The following TMEM132E variants were observed in gnomAD, a reference collection of about 807,000 sequenced individuals.
The protein encoded by TMEM132E is transmembrane protein 132E.
TMEM132E carries 49 observed loss-of-function variants against 78.5 expected under a neutral mutation model. The ratio of observed to expected loss-of-function variants is 0.62; its 90% confidence interval spans 0.50 to 0.79. TMEM132E has a LOEUF of 0.79. Among genes scored for constraint, TMEM132E ranks in the 30% least tolerant of loss-of-function variants. The probability of loss-of-function intolerance (pLI) is 0.00; values close to 1 mark genes in which losing one functional copy is unlikely to be tolerated. For synonymous variants in TMEM132E, 715 were observed against 670.6 expected, an observed-to-expected ratio of 1.07 and a Z score of -1.02; for missense variants, 1,403 against 1,470.9, an observed-to-expected ratio of 0.95 and a Z score of 0.75.
chr17:34,585,262 T>C (rs1360445337), intron 1 of TMEM132E, among the ~76,000 whole-genome samples: 1 of 152,224 alleles, frequency 6.6e-6, no homozygotes, highest in Admixed American at 6.5e-5. Context: ...ATAAGGCCAC[T>C]GTGGAATACC....
At chr17:34,586,903 T>A (rs1024973125) in intron 1 of TMEM132E, among the ~76,000 whole-genome samples, 4 of 152,230 alleles carry the variant, frequency 2.6e-5, no homozygotes, top group African/African-American at 9.6e-5. Context: ...TTCTGCTTTT[T>A]ATCAAACTGT....
chr17:34,596,599 C>T (rs1567712332), intron 1 of TMEM132E, among the ~76,000 whole-genome samples: 1 of 152,102 alleles, frequency 6.6e-6, no homozygotes. Context: ...AGTTGCTTTT[C>T]TCCTCATGTG....
intron 1 of TMEM132E, among the ~76,000 whole-genome samples, chr17:34,615,081 G>A (rs1156514307): frequency 2.0e-5 from 3 of 150,070 alleles, no homozygotes; most frequent in Non-Finnish European, 4.5e-5. Context: ...AAGAGCCCTG[G>A]TTTTCAGTAA....
At chr17:34,604,933 T>G (rs766389529) in intron 1 of TMEM132E, among the ~76,000 whole-genome samples, 1 of 152,172 alleles carries the variant, frequency 6.6e-6, no homozygotes, top group Admixed American at 6.5e-5. Context: ...TAAACAACTT[T>G]CTCAAGGTCA....
intron 1 of TMEM132E, among the ~76,000 whole-genome samples, chr17:34,607,952 G>A (rs1366994167): frequency 6.6e-6 from 1 of 152,088 alleles, no homozygotes; most frequent in African/African-American, 2.4e-5. Context: ...GTTTAGGTAG[G>A]TTTTCAATAA....
At chr17:34,634,691 G>A in intron 6 of TMEM132E, 108 bp from the exon 7 acceptor site, 1 of 1,361,346 alleles carries the variant, frequency 7.3e-7, no homozygotes, top group East Asian at 2.5e-5. Flanking sequence ...TGCTTTTGCA[G>A]AGCTTCTGGG....
intron 5 of TMEM132E, among the ~76,000 whole-genome samples, chr17:34,631,385 C>A (rs1322065919): frequency 6.6e-6 from 1 of 152,184 alleles, no homozygotes; most frequent in Admixed American, 6.5e-5. Context: ...AAGAAACAGG[C>A]CTGCTCCCAA....
intron 2 of TMEM132E, 66 bp from the exon 3 acceptor site, chr17:34,628,497 G>T: frequency 6.3e-7 from 1 of 1,593,236 alleles, no homozygotes. Flanking sequence ...TAGTGATGGT[G>T]GCCAGGCAGG....
chr17:34,627,174 C>T, intron 2 of TMEM132E, 117 bp downstream of exon 2: 1 of 1,150,442 alleles, frequency 8.7e-7, no homozygotes, highest in Non-Finnish European at 1.2e-6. Context: ...TGTCCAGCAT[C>T]CTAATCCCGG....
At position 34,626,748 on chromosome 17, in the gene TMEM132E, C is replaced by A. The variant is rs1003726532; in HGVS notation, c.689C>A (p.Ala230Asp). ...EPEATGESQQ[A>D]ELYYTLHAPD... ...GAGGCGACGGGGGAGAGCCAGCAGG[C>A]CGAGCTCTACTACACGCTCCACGCC... The change falls in exon 2 of 9, where the codon GCC becomes GAC. Residue 230 changes from alanine to aspartate, a missense_variant. Ala to Asp is a moderately radical substitution (Grantham distance 126, BLOSUM62 -2). Transcript: ENST00000631683. 2.2e-6 allele frequency: 3 copies of A among 1,385,272 alleles called. No homozygotes were observed. Among genetic ancestry groups the A allele is most frequent in the Admixed American group, 2.6e-5 (1 of 38,474 alleles). 85.8% of individuals were successfully genotyped at this position (1,385,272 alleles called of 1,614,324 possible). A position where few individuals can be genotyped will look rare whatever the true frequency, so the allele number is the denominator to read the frequency against.
intron 1 of TMEM132E, among the ~76,000 whole-genome samples, chr17:34,625,710 A>G (rs1046647696): frequency 1.3e-5 from 2 of 152,232 alleles, no homozygotes; most frequent in African/African-American, 4.8e-5. Context: ...TTTCAGCACC[A>G]GAGTCCACTC....
chr17:34,584,094 A>T (rs1479460226), intron 1 of TMEM132E, among the ~76,000 whole-genome samples: 2 of 152,190 alleles, frequency 1.3e-5, no homozygotes, highest in African/African-American at 4.8e-5. Flanking sequence ...CTCAGGAACA[A>T]TTACTGGTTC....
intron 4 of TMEM132E, 29 bp from the exon 5 acceptor site, chr17:34,629,979 G>C (rs1245881902): frequency 1.3e-6 from 2 of 1,581,470 alleles, no homozygotes; most frequent in Non-Finnish European, 1.7e-6. Flanking sequence ...GGGACCACAA[G>C]TAGAGCCCCC....
Position 34,626,442 on chromosome 17 carries a change from C to T in TMEM132E, c.383C>T (p.Ala128Val), listed in dbSNP as rs1397974327. 6.2e-7 allele frequency: 1 copy of T among 1,613,232 alleles called. No homozygotes were observed. The highest frequency in any genetic ancestry group is 8.5e-7 in the Non-Finnish European group (1 of 1,179,832). The change falls in exon 2 of 9, where the codon GCC becomes GTC. Residue 128 changes from alanine to valine, a missense_variant. Ala to Val is a moderately conservative substitution (Grantham distance 64). Around this residue, in one of 3 missense-constraint regions of TMEM132E, gnomAD observed 511 missense variants for 499.0 expected, o/e 1.02. Coordinates refer to ENST00000631683, the MANE Select transcript of TMEM132E (RefSeq NM_001304438.2). ...CTGACGGTGAACTGGAAGGTGCGGG[C>T]CTTCATCGTCCGCTCGCACGTGCCC... ...ERLTVNWKVRAFIVRSHVPAS... is the reference protein window; with the variant it reads ...ERLTVNWKVRVFIVRSHVPAS...
chr17:34,612,159 G>T (rs1597684110), intron 1 of TMEM132E, among the ~76,000 whole-genome samples: 1 of 152,146 alleles, frequency 6.6e-6, no homozygotes, highest in Non-Finnish European at 1.5e-5. Context: ...CAGGAAGGGG[G>T]CTGTCCTTCC....
At chr17:34,617,644 T>C (rs879839312) in intron 1 of TMEM132E, among the ~76,000 whole-genome samples, 2 of 152,212 alleles carry the variant, frequency 1.3e-5, no homozygotes, top group Non-Finnish European at 2.9e-5. Context: ...GGTATGGAAA[T>C]TGAGGCTCTG....
chr17:34,594,370 A>G (rs1395002074), intron 1 of TMEM132E, among the ~76,000 whole-genome samples: 2 of 152,232 alleles, frequency 1.3e-5, no homozygotes, highest in Non-Finnish European at 2.9e-5. Flanking sequence ...GTATTCCTTC[A>G]TTCACTCATT....
At chr17:34,589,289 C>T (rs1378551115) in intron 1 of TMEM132E, among the ~76,000 whole-genome samples, 1 of 152,026 alleles carries the variant, frequency 6.6e-6, no homozygotes, top group African/African-American at 2.4e-5. Context: ...AGGAGGCCAG[C>T]GGGGCAGAGC....
intron 1 of TMEM132E, among the ~76,000 whole-genome samples, chr17:34,587,020 G>A (rs1905703523): frequency 6.6e-6 from 1 of 152,146 alleles, no homozygotes; most frequent in Non-Finnish European, 1.5e-5. Flanking sequence ...CAAACTGACG[G>A]CAGTGGGCAG....
Sources: gnomAD v4.1 joint callset for allele counts (sites outside exome capture counted in the v4.1 genomes callset) on GRCh38, gnomAD v4.1.1 for gene constraint, gnomAD v4.1.1 regional missense constraint, MANE v1.5 for transcripts, NCBI Gene and HGNC (gene_info 2026-07-23, HGNC 2026-07-21) for gene names.